The following IGF2BP2 variants were observed in gnomAD, a reference collection of about 807,000 sequenced individuals.
The protein encoded by IGF2BP2 is insulin like growth factor 2 mRNA binding protein 2, also known as insulin-like growth factor 2 mRNA-binding protein 2.
A neutral mutation model predicts 75.8 loss-of-function variants in IGF2BP2; 17 were observed. The ratio of observed to expected loss-of-function variants is 0.22; its 90% confidence interval spans 0.15 to 0.34. IGF2BP2 has a LOEUF of 0.34. Ranked by LOEUF, IGF2BP2 falls within the 10% of genes least tolerant of loss-of-function variation. The pLI, the probability that IGF2BP2 is intolerant of heterozygous loss-of-function variation, is 1.00. For synonymous variants in IGF2BP2, 288 were observed against 295.6 expected (o/e 0.97, Z 0.26); for missense variants, 516 against 772.4 (o/e 0.67, Z 3.93).
At chr3:185,695,713 G>A (rs931356694) in intron 4 of IGF2BP2, among the ~76,000 whole-genome samples, 49 of 152,204 alleles carry the variant, frequency 3.2e-4, no homozygotes, top group African/African-American at 1.2e-3. Context: ...AGGAAGAAAA[G>A]TATCTTCTGG....
At position 185,644,314 on chromosome 3, in the gene IGF2BP2, C is replaced by T. The variant is rs1455930140; in HGVS notation, c.*1217G>A. ...CTTGGTAAATTTCTACTTTCCTCCA[C>T]ATTTTTTTTTTTTAAAGAAAGGAAT... On this transcript the variant is annotated 3_prime_UTR_variant, in exon 16 of 16. Coordinates refer to ENST00000382199, the MANE Select transcript of IGF2BP2 (RefSeq NM_006548.6). The T allele has an allele frequency of 6.6e-6, 1 of 152,094 alleles. No homozygotes were observed. The highest frequency in any genetic ancestry group is 1.9e-4 in the East Asian group (1 of 5,190). 9.4% of individuals were successfully genotyped at this position (152,094 alleles called of 1,614,324 possible).
intron 2 of IGF2BP2, among the ~76,000 whole-genome samples, chr3:185,785,295 CT>C (rs1400170303): frequency 7.1e-4 from 49 of 68,896 alleles, no homozygotes; most frequent in African/African-American, 7.4e-4. Context: ...AGTGAGACTC[CT>C]TCTCAAAAAA....
At chr3:185,819,767 C>G (rs977184853) in intron 2 of IGF2BP2, among the ~76,000 whole-genome samples, 5 of 152,090 alleles carry the variant, frequency 3.3e-5, no homozygotes, top group Non-Finnish European at 7.4e-5. Flanking sequence ...CAATTTTAAC[C>G]TAATAAAAGT....
At chr3:185,749,557 T>TC (rs1730693181) in intron 2 of IGF2BP2, among the ~76,000 whole-genome samples, 1 of 152,346 alleles carries the variant, frequency 6.6e-6, no homozygotes, top group Non-Finnish European at 1.5e-5. Flanking sequence ...TGTCAGTCTA[T>TC]CCCCAAATCT....
intron 10 of IGF2BP2, among the ~76,000 whole-genome samples, chr3:185,668,067 T>C (rs1431764763): frequency 6.6e-6 from 1 of 152,214 alleles, no homozygotes; most frequent in African/African-American, 2.4e-5. Flanking sequence ...CACTTTACTA[T>C]GGAGGTCTGG....
chr3:185,769,465 G>C (rs1349947452), intron 2 of IGF2BP2, among the ~76,000 whole-genome samples: 2 of 152,046 alleles, frequency 1.3e-5, no homozygotes, highest in Non-Finnish European at 2.9e-5. Context: ...CCATAACCAA[G>C]TAAAGGTATT....
Position 185,645,379 on chromosome 3 carries a change from C to T in IGF2BP2, c.*152G>A, listed in dbSNP as rs1713336842. 4.8e-6 allele frequency: 3 copies of T among 623,376 alleles called. No individual in the cohort carries two copies. In the African/African-American group the frequency reaches 5.5e-5, roughly 12 times the overall value. 38.6% of individuals were successfully genotyped at this position (623,376 alleles called of 1,614,324 possible). ...TCCTCGGCCCCTGGGGTTCTCAGGGCCTCGGCAGAGTCCCTGGCCGCCTCC... is the reference window on the plus strand; with the variant it reads ...TCCTCGGCCCCTGGGGTTCTCAGGGTCTCGGCAGAGTCCCTGGCCGCCTCC... On this transcript the variant is annotated 3_prime_UTR_variant, in exon 16 of 16. Coordinates refer to ENST00000382199, the MANE Select transcript of IGF2BP2 (RefSeq NM_006548.6). The surrounding 1 kb of genome is among the most constrained non-coding windows in gnomAD (Gnocchi z 4.9).
At chr3:185,773,471 T>TA (rs764385887) in intron 2 of IGF2BP2, among the ~76,000 whole-genome samples, 3 of 152,232 alleles carry the variant, frequency 2.0e-5, no homozygotes, top group African/African-American at 4.8e-5. Flanking sequence ...CATGAATAGA[T>TA]AATTTTTAGA....
chr3:185,775,981 A>G (rs1734485932), intron 2 of IGF2BP2, among the ~76,000 whole-genome samples: 1 of 152,334 alleles, frequency 6.6e-6, no homozygotes, highest in South Asian at 2.1e-4. Flanking sequence ...AGGTGGCTCA[A>G]GCCTGCAATC....
intron 2 of IGF2BP2, among the ~76,000 whole-genome samples, chr3:185,735,570 T>C (rs1017830629): frequency 5.3e-5 from 8 of 152,322 alleles, no homozygotes; most frequent in African/African-American, 1.9e-4. Context: ...GCATTATCGA[T>C]GGTCAGTCTC....
At chr3:185,754,736 T>C (rs1198379417) in intron 2 of IGF2BP2, among the ~76,000 whole-genome samples, 2 of 152,146 alleles carry the variant, frequency 1.3e-5, no homozygotes, top group African/African-American at 4.8e-5. Context: ...CTGCATTACA[T>C]CTTAGCAAAG....
chr3:185,677,433 G>T (rs1212388388), intron 7 of IGF2BP2, among the ~76,000 whole-genome samples: 2 of 151,902 alleles, frequency 1.3e-5, no homozygotes, highest in African/African-American at 4.8e-5. Flanking sequence ...GGTTTGAGAG[G>T]TCCTAGAACC....
At position 185,643,474 on chromosome 3, in the gene IGF2BP2, T is replaced by G. The variant is rs564793227; in HGVS notation, c.*2057A>C. Among the ~76,000 whole-genome samples, 1 of 152,374 alleles carries G rather than the reference T, an allele frequency of 6.6e-6. No individual in the cohort carries two copies. The highest frequency in any genetic ancestry group is 2.4e-5 in the African/African-American group (1 of 41,592). On this transcript the variant is annotated 3_prime_UTR_variant, in exon 16 of 16. Coordinates refer to ENST00000382199, the MANE Select transcript of IGF2BP2 (RefSeq NM_006548.6). ...TGCTGGGCCTCACCCCCAGGATTTC[T>G]GATTCAAGGTGGACCCCAAGAATCT... is the stretch of plus-strand genomic sequence containing the variant.
chr3:185,739,489 T>C (rs572972049), intron 2 of IGF2BP2, among the ~76,000 whole-genome samples: 1 of 152,310 alleles, frequency 6.6e-6, no homozygotes, highest in Non-Finnish European at 1.5e-5. Flanking sequence ...GATCTTCCCT[T>C]GAATCTAAAT....
intron 7 of IGF2BP2, 35 bp downstream of exon 7, chr3:185,687,021 TC>T: frequency 6.3e-7 from 1 of 1,596,808 alleles, no homozygotes; most frequent in Non-Finnish European, 8.5e-7. Context: ...ACTCTTTTTC[TC>T]TGTTGAGTGA....
chr3:185,794,890 GTTATC>G (rs2149888166), intron 2 of IGF2BP2, among the ~76,000 whole-genome samples: 1 of 151,604 alleles, frequency 6.6e-6, no homozygotes, highest in South Asian at 2.1e-4. Context: ...GACTACTCCA[GTTATC>G]TTTTCTTTTC....
At chr3:185,680,728 G>A (rs1385030390) in intron 7 of IGF2BP2, among the ~76,000 whole-genome samples, 1 of 152,138 alleles carries the variant, frequency 6.6e-6, no homozygotes, top group Non-Finnish European at 1.5e-5. Context: ...AGGATTGCTT[G>A]AGGCCAGGGG....
intron 2 of IGF2BP2, among the ~76,000 whole-genome samples, chr3:185,805,857 C>T (rs908154582): frequency 2.6e-5 from 4 of 151,240 alleles, no homozygotes; most frequent in South Asian, 2.1e-4. Context: ...CTGCAGTGTC[C>T]GCCTCCTGGT....
chr3:185,727,108 C>G (rs1453413677), intron 2 of IGF2BP2, among the ~76,000 whole-genome samples: 1 of 151,696 alleles, frequency 6.6e-6, no homozygotes, highest in Non-Finnish European at 1.5e-5. Context: ...ATCCCAGCTA[C>G]TCAGGAGGCT....
Sources: gnomAD v4.1 joint callset for allele counts (sites outside exome capture counted in the v4.1 genomes callset) on GRCh38, gnomAD v4.1.1 for gene constraint, Gnocchi (gnomAD v3.1) non-coding constraint, MANE v1.5 for transcripts, NCBI Gene and HGNC (gene_info 2026-07-23, HGNC 2026-07-21) for gene names.